The following ADAMTS15 variants were observed in gnomAD, a reference collection of about 807,000 sequenced individuals.
The protein encoded by ADAMTS15 is A disintegrin and metalloproteinase with thrombospondin motifs 15.
Under a neutral mutation model 79.1 loss-of-function variants are expected in ADAMTS15, and 35 were observed. That is an observed-to-expected ratio of 0.44 (90% CI 0.34 to 0.59). The LOEUF (loss-of-function observed/expected upper bound fraction) is 0.59, where lower values mean the gene tolerates loss of function less well. Ranked by LOEUF, ADAMTS15 falls within the 20% of genes least tolerant of loss-of-function variation. ADAMTS15 has a pLI of 0.02. For missense variants in ADAMTS15, 1,324 were observed against 1,318.7 expected (o/e 1.00, Z -0.06); for synonymous variants, 616 against 567.3 (o/e 1.09, Z -1.22).
chr11:130,462,832 A>C lies in ADAMTS15; in HGVS notation c.1542+52A>C. The C allele has an allele frequency of 6.5e-7, 1 of 1,537,266 alleles. No homozygotes were observed. Among genetic ancestry groups the C allele is most frequent in the Non-Finnish European group, 8.8e-7 (1 of 1,137,416 alleles). On this transcript the variant is annotated intron_variant, in intron 4 of 7. Coordinates refer to ENST00000299164, the MANE Select transcript of ADAMTS15 (RefSeq NM_139055.4). This position sits in a 1 kb window ranked among gnomAD's most constrained non-coding sequence, Gnocchi z 4.3. ...GGGACTGCTGGGAGGAGGGATGGAG[A>C]CCCGGGGGCCTCGTCTGCCCTTGGT...
At chr11:130,458,473 G>A (rs1938133450) in intron 1 of ADAMTS15, among the ~76,000 whole-genome samples, 1 of 152,222 alleles carries the variant, frequency 6.6e-6, no homozygotes, top group Non-Finnish European at 1.5e-5. Context: ...TGGGTCAGTA[G>A]ACAAGATGTT....
intron 4 of ADAMTS15, among the ~76,000 whole-genome samples, chr11:130,463,261 G>A (rs1045836044): frequency 5.3e-5 from 8 of 152,244 alleles, no homozygotes; most frequent in East Asian, 1.9e-4. Flanking sequence ...GGCAAGCTTC[G>A]GGAATTGGCT....
In ADAMTS15 at chr11:130,474,167, C is replaced by T. The variant is rs538260170; in HGVS notation, c.*346C>T. 10 of 248,588 alleles carry T rather than the reference C, an allele frequency of 4.0e-5. No individual in the cohort carries two copies. The highest frequency in any genetic ancestry group is 2.5e-4 in the Admixed American group (5 of 20,352). The allele number at this position is 248,588 out of a possible 1,614,324, so 15.4% of individuals were successfully genotyped here. A position where few individuals can be genotyped will look rare whatever the true frequency, so the allele number is the denominator to read the frequency against. On this transcript the variant is annotated 3_prime_UTR_variant, in exon 8 of 8. Transcript: ENST00000299164. ...ACTTCAGGGACCCCGGCCCCCAGAA[C>T]GGAGGCCACAGGCTGCTGGAAGAGC... is the stretch of plus-strand genomic sequence containing the variant.
At chr11:130,471,756 G>A (rs1169956281) in intron 7 of ADAMTS15, among the ~76,000 whole-genome samples, 1 of 152,168 alleles carries the variant, frequency 6.6e-6, no homozygotes, top group East Asian at 1.9e-4. Flanking sequence ...CAATCTCCAG[G>A]TCTCTAGATG....
intron 4 of ADAMTS15, among the ~76,000 whole-genome samples, chr11:130,464,154 T>G (rs1401383935): frequency 6.6e-6 from 1 of 152,040 alleles, no homozygotes; most frequent in Non-Finnish European, 1.5e-5. Flanking sequence ...CACTAGAAGG[T>G]CCTGAGGACA....
At position 130,462,199 on chromosome 11, in the gene ADAMTS15, C is replaced by T. The variant is rs1938214156; in HGVS notation, c.1203C>T (p.Asn401=). Residue 401 remains asparagine, a synonymous_variant, in exon 3 of 8, where the codon AAC becomes AAT. Coordinates refer to ENST00000299164, the MANE Select transcript of ADAMTS15 (RefSeq NM_139055.4). This position sits in a 1 kb window ranked among gnomAD's most constrained non-coding sequence, Gnocchi z 4.3. ...SPTLIQIDRA[N]PWSACSAAII... Reference sequence around the variant, plus strand: ...CCCTCATCCAGATCGACCGTGCCAACCCCTGGTCAGCCTGCAGTGCTGCCA... The same window carrying T: ...CCCTCATCCAGATCGACCGTGCCAATCCCTGGTCAGCCTGCAGTGCTGCCA... 7 of 1,614,220 alleles carry T rather than the reference C, an allele frequency of 4.3e-6. No homozygotes were observed. Among genetic ancestry groups the T allele is most frequent in the Non-Finnish European group, 4.2e-6 (5 of 1,180,034 alleles).
At chr11:130,466,600 C>A (rs896472086) in intron 4 of ADAMTS15, among the ~76,000 whole-genome samples, 10 of 152,222 alleles carry the variant, frequency 6.6e-5, no homozygotes, top group African/African-American at 2.2e-4. Flanking sequence ...CTGGTCCCAG[C>A]CACCACCCCC....
chr11:130,473,569 G>A lies in ADAMTS15; in HGVS notation c.2601G>A (p.Arg867=), dbSNP rs1290038186. 1.9e-6 allele frequency: 3 copies of A among 1,602,588 alleles called. No homozygotes were observed. The highest frequency in any genetic ancestry group is 2.6e-6 in the Non-Finnish European group (3 of 1,173,732). The part of the protein sequence containing the change: ...SGLQKRAVDC[R]GSAGQRTVPA... The stretch of plus-strand genomic sequence containing the variant: ...TGCAGAAGCGGGCGGTGGACTGCCG[G>A]GGCTCCGCCGGGCAGCGCACGGTCC... Residue 867 remains arginine (R), a synonymous_variant, in exon 8 of 8, where the codon CGG becomes CGA. Transcript: ENST00000299164.
intron 1 of ADAMTS15, among the ~76,000 whole-genome samples, chr11:130,454,685 G>A (rs1465264597): frequency 6.6e-6 from 1 of 152,168 alleles, no homozygotes; most frequent in African/African-American, 2.4e-5. Flanking sequence ...GAGGGAGGAG[G>A]GAAGGAGTGG....
intron 5 of ADAMTS15, 107 bp downstream of exon 5, chr11:130,469,546 A>G: frequency 1.1e-6 from 1 of 885,726 alleles, no homozygotes; most frequent in Non-Finnish European, 1.5e-6. Context: ...GTAATTGGGT[A>G]CACAGGTAAT....
At chr11:130,466,880 G>A (rs1197884009) in intron 4 of ADAMTS15, among the ~76,000 whole-genome samples, 1 of 152,092 alleles carries the variant, frequency 6.6e-6, no homozygotes, top group African/African-American at 2.4e-5. Context: ...ATGTCTGCCT[G>A]GCTTATGCCA....
In ADAMTS15 at chr11:130,448,964, G is replaced by A; in HGVS notation, c.-10G>A. ...CCTTCCCACAGCGCGGCGGTGCGCTGCCCGGCGCCATGCTTCTGCTGGGCA... is the reference window on the plus strand; with the variant it reads ...CCTTCCCACAGCGCGGCGGTGCGCTACCCGGCGCCATGCTTCTGCTGGGCA... On this transcript the variant is annotated 5_prime_UTR_variant, in exon 1 of 8. Transcript: ENST00000299164. 3 of 1,488,658 alleles carry A rather than the reference G, an allele frequency of 2.0e-6. No individual in the cohort carries two copies. The highest frequency in any genetic ancestry group is 2.7e-6 in the Non-Finnish European group (3 of 1,120,856). The allele number at this position is 1,488,658 out of a possible 1,614,324, so 92.2% of individuals were successfully genotyped here. A position where few individuals can be genotyped will look rare whatever the true frequency, so the allele number is the denominator to read the frequency against.
intron 4 of ADAMTS15, among the ~76,000 whole-genome samples, chr11:130,463,021 A>C (rs1038409927): frequency 1.3e-5 from 2 of 152,224 alleles, no homozygotes; most frequent in Non-Finnish European, 2.9e-5. Context: ...CCTCAGACAC[A>C]TGGGGAAAAG....
chr11:130,470,170 A>ACACACATG (rs1555081047), intron 5 of ADAMTS15, among the ~76,000 whole-genome samples: 9 of 58,154 alleles, frequency 1.5e-4, no homozygotes, highest in African/African-American at 4.9e-4. Flanking sequence ...ATATATATAT[A>ACACACATG]TATATATATA....
chr11:130,470,182 G>GTGTATATATATATATATATATATATA (rs1938414045), intron 5 of ADAMTS15, among the ~76,000 whole-genome samples: 5 of 72,742 alleles, frequency 6.9e-5, no homozygotes, highest in Admixed American at 1.8e-4. Flanking sequence ...ATATATATAT[G>GTGTATATATATATATATATATATATA]TGTGTATATA....
chr11:130,461,704 T>G, intron 2 of ADAMTS15, 83 bp downstream of exon 2: 1 of 1,572,946 alleles, frequency 6.4e-7, no homozygotes, highest in Non-Finnish European at 8.6e-7. Flanking sequence ...CTTTGCCCCC[T>G]TGTGTTCTGA....
chr11:130,464,604 A>G (rs1938264751), intron 4 of ADAMTS15, among the ~76,000 whole-genome samples: 1 of 152,024 alleles, frequency 6.6e-6, no homozygotes, highest in African/African-American at 2.4e-5. Flanking sequence ...CACCCTTCCC[A>G]TCATGCCTTC....
rs538187355 is a variant in ADAMTS15, at chr11:130,463,546, C to T, written c.1542+766C>T. On this transcript the variant is annotated intron_variant, in intron 4 of 7. Transcript: ENST00000299164. The stretch of plus-strand genomic sequence containing the variant: ...CCTGGAGCTGACTGTCCCTTCCCAT[C>T]CCCTGTTCTCAGCTCGGGGACGACT... Among the ~76,000 whole-genome samples, 5 of 152,258 alleles carry T rather than the reference C, an allele frequency of 3.3e-5. No homozygotes were observed. The East Asian group carries it at 9.7e-4, about 29-fold the overall frequency.
At chr11:130,469,473 A>C in intron 5 of ADAMTS15, 34 bp downstream of exon 5, 1 of 1,303,490 alleles carries the variant, frequency 7.7e-7, no homozygotes, top group Non-Finnish European at 9.8e-7. Flanking sequence ...GCCTGGGCCC[A>C]GGGGAGGTGA....
Sources: allele counts gnomAD v4.1 joint callset (sites outside exome capture counted in the v4.1 genomes callset), GRCh38; gene constraint gnomAD v4.1.1; non-coding constraint Gnocchi (gnomAD v3.1); transcripts MANE v1.5; gene names NCBI Gene and HGNC (gene_info 2026-07-23, HGNC 2026-07-21).